TLE4: variants seen among roughly 807,000 people sequenced by gnomAD.
TLE4 encodes the protein TLE family member 4, transcriptional corepressor, also known as transducin-like enhancer protein 4.
Under a neutral mutation model 92.8 loss-of-function variants are expected in TLE4, and 8 were observed. That is an observed-to-expected ratio of 0.09 (90% CI 0.05 to 0.16). The LOEUF (loss-of-function observed/expected upper bound fraction) is 0.16. Among genes scored for constraint, TLE4 ranks in the 10% least tolerant of loss-of-function variants. TLE4 has a pLI of 1.00. For missense variants in TLE4, 675 were observed against 997.6 expected (o/e 0.68, Z 4.36); for synonymous variants, 371 against 374.1 (o/e 0.99, Z 0.10).
chr9:79,605,568 G>C (rs1434282302), intron 4 of TLE4, among the ~76,000 whole-genome samples: 2 of 152,128 alleles, frequency 1.3e-5, no homozygotes, highest in African/African-American at 4.8e-5. Flanking sequence ...GGAGGAAAAA[G>C]AGGGTGCTCT....
intron 8 of TLE4, among the ~76,000 whole-genome samples, chr9:79,689,064 C>CT (rs1418266474): frequency 1.3e-5 from 2 of 149,244 alleles, no homozygotes; most frequent in African/African-American, 5.2e-5. Context: ...GCTTGACCCA[C>CT]TACTCCATTT....
At chr9:79,719,792 G>A (rs1358040363) in intron 15 of TLE4, among the ~76,000 whole-genome samples, 2 of 152,264 alleles carry the variant, frequency 1.3e-5, no homozygotes, top group Non-Finnish European at 1.5e-5. Context: ...TGGTGGTGGT[G>A]GGAGTGGGTC....
intron 8 of TLE4, among the ~76,000 whole-genome samples, chr9:79,683,187 C>G (rs923954249): frequency 6.6e-6 from 1 of 152,218 alleles, no homozygotes; most frequent in Non-Finnish European, 1.5e-5. Flanking sequence ...GTTTAACTCC[C>G]AGCCTTACTG....
chr9:79,577,736 TA>T (rs1246698480), intron 4 of TLE4, among the ~76,000 whole-genome samples: 1 of 152,204 alleles, frequency 6.6e-6, no homozygotes, highest in Admixed American at 6.5e-5. Context: ...ACCAGATGAT[TA>T]ATTTAGTCCC....
intron 8 of TLE4, chr9:79,671,497 G>A (rs997947706): frequency 1.0e-5 from 3 of 293,030 alleles, no homozygotes; most frequent in Non-Finnish European, 2.1e-5. Context: ...AACAATTCTG[G>A]CATTCCTCTA....
At position 79,720,278 on chromosome 9, in the gene TLE4, A is replaced by G. The variant is rs1166413700; in HGVS notation, c.1823A>G (p.Asn608Ser). 1.2e-6 allele frequency: 2 copies of G among 1,611,998 alleles called. No individual in the cohort carries two copies. Among genetic ancestry groups the G allele is most frequent in the African/African-American group, 1.3e-5 (1 of 74,940 alleles). ...AACATCGCTGTGTGGGATCTGCACA[A>G]CCAGACCTTGGTGAGGTAGGTTAGC... is the stretch of plus-strand genomic sequence containing the variant. ...DGNIAVWDLH[N>S]QTLVRQFQGH... Residue 608 changes from asparagine to serine, a missense_variant, in exon 16 of 20, where the codon AAC becomes AGC. Physicochemically the swap from Asn to Ser is conservative, Grantham distance 46. This residue lies in a region of TLE4 where 170 missense variants were observed against 359.6 expected (regional missense o/e 0.47). Transcript: ENST00000376552.
intron 4 of TLE4, among the ~76,000 whole-genome samples, chr9:79,595,627 G>A (rs1447926403): frequency 1.3e-5 from 2 of 152,006 alleles, no homozygotes; most frequent in Non-Finnish European, 2.9e-5. Flanking sequence ...TAAATTTAAA[G>A]GCAAGTTAGG....
chr9:79,572,922 C>G, intron 1 of TLE4, 87 bp downstream of exon 1: 2 of 1,444,486 alleles, frequency 1.4e-6, no homozygotes, highest in African/African-American at 1.5e-5. Context: ...GTCTTTTGGC[C>G]GGAGGGGCGT....
At chr9:79,576,103 TG>T in intron 3 of TLE4, 29 bp from the exon 4 acceptor site, 1 of 1,428,796 alleles carries the variant, frequency 7.0e-7, no homozygotes, top group Non-Finnish European at 9.3e-7. Flanking sequence ...ATGAAAGTCA[TG>T]CATTTAATTG....
In TLE4 at chr9:79,657,812, C is replaced by T. The variant is rs139542222; in HGVS notation, c.609+3737C>T. Among the ~76,000 whole-genome samples, 135 of 152,258 alleles carry T rather than the reference C, an allele frequency of 8.9e-4. 1 individual carries two copies. In the East Asian group the frequency reaches 0.018, roughly 21 times the overall value. On this transcript the variant is annotated intron_variant, in intron 8 of 19. Transcript: ENST00000376552. ...AATCAAGACCAGCTTAAATATAAGT[C>T]GCAAAATTCACTATCACCAAATGCT... is the stretch of plus-strand genomic sequence containing the variant.
At chr9:79,590,349 A>G (rs983465709) in intron 4 of TLE4, among the ~76,000 whole-genome samples, 2 of 152,184 alleles carry the variant, frequency 1.3e-5, no homozygotes, top group Non-Finnish European at 2.9e-5. Flanking sequence ...ACTCTTCTCT[A>G]GGTTCTGGGC....
intron 4 of TLE4, among the ~76,000 whole-genome samples, chr9:79,592,292 T>G (rs2042894503): frequency 6.8e-6 from 1 of 146,744 alleles, no homozygotes; most frequent in Admixed American, 6.8e-5. Context: ...TTTTTTTTTT[T>G]GGAGGCAGGG....
intron 5 of TLE4, among the ~76,000 whole-genome samples, chr9:79,623,146 T>G (rs548060487): frequency 6.6e-6 from 1 of 152,212 alleles, no homozygotes; most frequent in East Asian, 1.9e-4. Flanking sequence ...AATCAGCATT[T>G]TGTCTTTTTG....
chr9:79,686,308 CT>C (rs1049584200), intron 8 of TLE4, among the ~76,000 whole-genome samples: 1 of 152,046 alleles, frequency 6.6e-6, no homozygotes, highest in Admixed American at 6.6e-5. Flanking sequence ...CTTTTTAAAA[CT>C]TTTTTAAAAG....
At chr9:79,597,389 C>T (rs1308852771) in intron 4 of TLE4, among the ~76,000 whole-genome samples, 1 of 152,144 alleles carries the variant, frequency 6.6e-6, no homozygotes, top group African/African-American at 2.4e-5. Flanking sequence ...CCAGTATTTC[C>T]AATATGGCTC....
chr9:79,613,880 C>T (rs966684932), intron 5 of TLE4, among the ~76,000 whole-genome samples: 3 of 152,216 alleles, frequency 2.0e-5, no homozygotes, highest in African/African-American at 7.2e-5. Flanking sequence ...AGGGGGCACT[C>T]ATATTCACAA....
At position 79,706,859 on chromosome 9, in the gene TLE4, C is replaced by G; in HGVS notation, c.896C>G (p.Ser299Cys). The G allele has an allele frequency of 5.0e-6, 8 of 1,614,226 alleles. No individual in the cohort carries two copies. Among genetic ancestry groups the G allele is most frequent in the Non-Finnish European group, 6.8e-6 (8 of 1,180,046 alleles). Residue 299 changes from serine (S) to cysteine (C), a missense_variant, in exon 11 of 20, where the codon TCC becomes TGC. Physicochemically the swap from Ser to Cys is moderately radical, Grantham distance 112. Transcript: ENST00000376552. ...ATTAGTCCAGCCTCTATTGCATCTTCCAGCAGTACTCCCTCCTCCAAATCC... is the reference window on the plus strand; with the variant it reads ...ATTAGTCCAGCCTCTATTGCATCTTGCAGCAGTACTCCCTCCTCCAAATCC... ...APISPASIAS[S>C]SSTPSSKSKE...
chr9:79,666,300 T>C (rs2061409774), intron 8 of TLE4, among the ~76,000 whole-genome samples: 1 of 149,546 alleles, frequency 6.7e-6, no homozygotes, highest in Admixed American at 6.7e-5. Flanking sequence ...TGATCTCGGC[T>C]CACTGCAATC....
intron 8 of TLE4, among the ~76,000 whole-genome samples, chr9:79,660,726 T>C (rs1300262219): frequency 6.6e-6 from 1 of 152,208 alleles, no homozygotes; most frequent in African/African-American, 2.4e-5. Flanking sequence ...GTAACAGGTG[T>C]CCTAATTCTA....
Sources: allele counts gnomAD v4.1 joint callset (sites outside exome capture counted in the v4.1 genomes callset), GRCh38; gene constraint gnomAD v4.1.1; regional missense constraint gnomAD v4.1.1; transcripts MANE v1.5; gene names NCBI Gene and HGNC (gene_info 2026-07-23, HGNC 2026-07-21).